RNF6: variants seen among roughly 807,000 people sequenced by gnomAD.
The protein encoded by RNF6 is ring finger protein 6.
Under a neutral mutation model 50.1 loss-of-function variants are expected in RNF6, and 21 were observed. The observed-to-expected ratio is 0.42, with a 90% confidence interval of 0.30 to 0.60. The LOEUF (loss-of-function observed/expected upper bound fraction) is 0.60. RNF6 is among the 20% of genes least tolerant of loss of function. The pLI, the probability that RNF6 is intolerant of heterozygous loss-of-function variation, is 0.20. For missense variants in RNF6, 698 were observed against 838.2 expected (o/e 0.83, Z 2.07); for synonymous variants, 255 against 291.8 (o/e 0.87, Z 1.29).
At chr13:26,188,058 G>A (rs560202637) in intron 5 of RNF6, among the ~76,000 whole-genome samples, 1 of 152,140 alleles carries the variant, frequency 6.6e-6, no homozygotes, top group Non-Finnish European at 1.5e-5. Context: ...AATATCCAAG[G>A]TCCCTTCAGC....
chr13:26,215,173 T>C lies in RNF6; in HGVS notation c.709A>G (p.Asn237Asp). The change falls in exon 5 of 5, where the codon AAT becomes GAT. Residue 237 changes from asparagine to aspartate, a missense_variant. By Grantham distance (23) the Asn-to-Asp change is conservative. Transcript: ENST00000381588. ...ATGCCAGCTGCTCCCCCAATTCCAT[T>C]TCTTAACCTTCCCAATGTTGAGAAA... The part of the protein sequence containing the change: ...GSFSTLGRLR[N>D]GIGGAAGIPR... 6.2e-7 allele frequency: 1 copy of C among 1,614,212 alleles called. No homozygotes were observed. The highest frequency in any genetic ancestry group is 8.5e-7 in the Non-Finnish European group (1 of 1,180,030).
In RNF6 at chr13:26,214,742, T is replaced by C. The variant is rs1432511845; in HGVS notation, c.1140A>G (p.Glu380=). 4 of 1,614,204 alleles carry C rather than the reference T, an allele frequency of 2.5e-6. No homozygotes were observed. The highest frequency in any genetic ancestry group is 3.4e-6 in the Non-Finnish European group (4 of 1,180,040). The change falls in exon 5 of 5, where the codon GAA becomes GAG. Residue 380 remains glutamate (E), a synonymous_variant. Transcript: ENST00000381588. ...SRLVSRITVE[E]GEESSRSSTA... ...TTGAGGATCTGCTGGATTCTTCTCC[T>C]TCTTCTACTGTTATTCTTGACACAA...
intron 5 of RNF6, among the ~76,000 whole-genome samples, chr13:26,185,538 A>G (rs891614264): frequency 3.9e-5 from 6 of 152,120 alleles, no homozygotes; most frequent in African/African-American, 1.4e-4. Context: ...CGAGGTCAAG[A>G]GATCGAGACT....
rs1869808559 is a variant in RNF6, at chr13:26,215,702, G to A, written c.290-110C>T. On this transcript the variant is annotated intron_variant, in intron 4 of 4. Coordinates refer to ENST00000381588, the MANE Select transcript of RNF6 (RefSeq NM_005977.4). ...TTGTAATAAATTAAAGAACATCTGT[G>A]GATTTTAATGAATGAAAGATGGCAA... 7 of 916,564 alleles carry A rather than the reference G, an allele frequency of 7.6e-6. No individual in the cohort carries two copies. The East Asian group carries it at 1.1e-4, about 15-fold the overall frequency. 56.8% of individuals were successfully genotyped at this position (916,564 alleles called of 1,614,324 possible). A position where few individuals can be genotyped will look rare whatever the true frequency, so the allele number is the denominator to read the frequency against.
At chr13:26,181,089 C>T (rs1873214289) in intron 5 of RNF6, among the ~76,000 whole-genome samples, 1 of 152,182 alleles carries the variant, frequency 6.6e-6, no homozygotes, top group Non-Finnish European at 1.5e-5. Context: ...ATCAGCCTTC[C>T]AGTCTAGGAA....
rs770746891 is a variant in RNF6 at position 26,215,376 on chromosome 13, T to A, written c.506A>T (p.Tyr169Phe). The A allele has an allele frequency of 2.5e-6, 4 of 1,614,242 alleles. 1 individual carries two copies. The Admixed American group carries it at 5.0e-5, about 20-fold the overall frequency. Reference protein sequence around the residue: ...NRGFEIHGEDYTDIPLSDSNR... With the variant: ...NRGFEIHGEDFTDIPLSDSNR... ...ACTATCTGAAAGTGGAATGTCTGTATAATCTTCTCCATGAATTTCAAATCC... is the reference window on the plus strand; with the variant it reads ...ACTATCTGAAAGTGGAATGTCTGTAAAATCTTCTCCATGAATTTCAAATCC... Residue 169 changes from tyrosine to phenylalanine, a missense_variant, in exon 5 of 5, where the codon TAT becomes TTT. Tyr to Phe is a conservative substitution (Grantham distance 22). Transcript: ENST00000381588.
intron 5 of RNF6, among the ~76,000 whole-genome samples, chr13:26,188,744 C>T (rs1422790341): frequency 1.4e-5 from 2 of 144,822 alleles, no homozygotes; most frequent in African/African-American, 5.1e-5. Context: ...CTTATCCTGC[C>T]TCAGCCTCCC....
intron 5 of RNF6, among the ~76,000 whole-genome samples, chr13:26,201,508 G>A (rs1057284865): frequency 3.9e-5 from 6 of 152,138 alleles, no homozygotes; most frequent in Non-Finnish European, 8.8e-5. Context: ...GGGAGGGGAG[G>A]AAGGAGGTAA....
At chr13:26,151,083 C>T (rs1259320176) in intron 5 of RNF6, among the ~76,000 whole-genome samples, 5 of 152,252 alleles carry the variant, frequency 3.3e-5, no homozygotes, top group Middle Eastern at 3.4e-3. Context: ...TTAAAACTAT[C>T]CCTTGAGTGT....
chr13:26,185,531 G>A lies in RNF6; in HGVS notation n.768+29943C>T, dbSNP rs192905914. Among the ~76,000 whole-genome samples the A allele has an allele frequency of 9.2e-3, 1,401 of 152,172 alleles. 25 individuals are homozygous for A. The highest frequency in any genetic ancestry group is 0.032 in the African/African-American group (1,332 of 41,514). Reference sequence around the variant, plus strand: ...GGAGGCCGAGGTGGGCGGATCACGAGGTCAAGAGATCGAGACTATCCTGGC... The same window carrying A: ...GGAGGCCGAGGTGGGCGGATCACGAAGTCAAGAGATCGAGACTATCCTGGC... On this transcript the variant is annotated intron_variant and non_coding_transcript_variant, in intron 5 of 5. Coordinates refer to the RNF6 transcript ENST00000468480.
chr13:26,157,882 A>AGATG (rs61591240), intron 5 of RNF6, among the ~76,000 whole-genome samples: 21,665 of 149,204 alleles, frequency 0.15, 1,762 homozygotes, highest in African/African-American at 0.21. Context: ...AGAGAAAAAG[A>AGATG]GATGGATGGA....
At chr13:26,205,011 G>T (rs1869052851) in intron 5 of RNF6, among the ~76,000 whole-genome samples, 1 of 152,130 alleles carries the variant, frequency 6.6e-6, no homozygotes, top group Non-Finnish European at 1.5e-5. Context: ...GCCCTCCAAA[G>T]CGGCTTGGGA....
intron 5 of RNF6, among the ~76,000 whole-genome samples, chr13:26,166,070 G>A (rs751553257): frequency 3.9e-5 from 6 of 152,128 alleles, no homozygotes; most frequent in Non-Finnish European, 7.4e-5. Context: ...CCCGGTGAGA[G>A]GTAATTGAAT....
chr13:26,218,273 ATAT>A (rs1870100286), intron 4 of RNF6, among the ~76,000 whole-genome samples: 1 of 152,228 alleles, frequency 6.6e-6, no homozygotes, highest in Non-Finnish European at 1.5e-5. Flanking sequence ...ACTTAATTGT[ATAT>A]TATTACATAA....
At chr13:26,221,395 G>A (rs1279582617) in intron 1 of RNF6, 65 bp from the exon 2 acceptor site, 5 of 152,198 alleles carry the variant, frequency 3.3e-5, no homozygotes, top group Non-Finnish European at 7.3e-5. Context: ...GGAACGGGTG[G>A]TAGTCTCCCC....
In RNF6 at chr13:26,216,390, G is replaced by GA. The variant is rs1350031363; in HGVS notation, c.290-799dup. On this transcript the variant is annotated intron_variant, in intron 4 of 4. Coordinates refer to ENST00000381588, the MANE Select transcript of RNF6 (RefSeq NM_005977.4). Reference sequence around the variant, plus strand: ...TATTCATTTAGAACGTAAGCTCCAGGAAAACAAAGATTTTTGTAGTTTTAG... The same window carrying GA: ...TATTCATTTAGAACGTAAGCTCCAGGAAAAACAAAGATTTTTGTAGTTTTAG... Among the ~76,000 whole-genome samples, 10 of 151,846 alleles carry GA rather than the reference G, an allele frequency of 6.6e-5. No individual in the cohort carries two copies. In the East Asian group the frequency reaches 1.9e-3, roughly 29 times the overall value.
intron 5 of RNF6, among the ~76,000 whole-genome samples, chr13:26,151,882 T>G (rs1186262188): frequency 6.6e-6 from 1 of 152,218 alleles, no homozygotes; most frequent in Non-Finnish European, 1.5e-5. Flanking sequence ...TCCATTTCTC[T>G]GGGGTGCAGC....
intron 5 of RNF6, among the ~76,000 whole-genome samples, chr13:26,166,001 T>C (rs1872432263): frequency 6.6e-6 from 1 of 152,136 alleles, no homozygotes; most frequent in South Asian, 2.1e-4. Flanking sequence ...TGGAATGTTA[T>C]GGTTTGGCTG....
At chr13:26,204,511 A>AAAAAAG (rs1869025070) in intron 5 of RNF6, among the ~76,000 whole-genome samples, 1 of 151,172 alleles carries the variant, frequency 6.6e-6, no homozygotes, top group African/African-American at 2.4e-5. Flanking sequence ...AAAAAAAAAA[A>AAAAAAG]AAAAGAAAGA....
Sources: allele counts gnomAD v4.1 joint callset (sites outside exome capture counted in the v4.1 genomes callset), GRCh38; gene constraint gnomAD v4.1.1; transcripts MANE v1.5; gene names NCBI Gene and HGNC (gene_info 2026-07-23, HGNC 2026-07-21).